ZDHHC21: variants seen among roughly 807,000 people sequenced by gnomAD.
ZDHHC21 encodes palmitoyltransferase ZDHHC21.
ZDHHC21 carries 15 observed loss-of-function variants against 34.6 expected under a neutral mutation model. The observed-to-expected ratio is 0.43, with a 90% CI of 0.29 to 0.67. The LOEUF (loss-of-function observed/expected upper bound fraction) is 0.67. Ranked by LOEUF, ZDHHC21 falls within the 30% of genes least tolerant of loss-of-function variation. The pLI, the probability that ZDHHC21 is intolerant of heterozygous loss-of-function variation, is 0.14. For missense variants in ZDHHC21, 344 were observed against 327.7 expected (o/e 1.05, Z -0.38); for synonymous variants, 142 against 101.8 (o/e 1.40, Z -2.38).
At chr9:14,598,609 A>T in the ZDHHC21 span, among the ~76,000 whole-genome samples, 1 of 152,206 alleles carries the variant, frequency 6.6e-6, no homozygotes, top group Non-Finnish European at 1.5e-5. Flanking sequence ...TCCAACAAGA[A>T]AAAAATATCT....
At chr9:14,652,891 G>A (rs537137409) in intron 7 of ZDHHC21, among the ~76,000 whole-genome samples, 3 of 151,882 alleles carry the variant, frequency 2.0e-5, no homozygotes, top group African/African-American at 4.8e-5. Flanking sequence ...TCTGACCCAG[G>A]CAATTCCATT....
At chr9:14,653,426 T>C (rs1436040862) in intron 7 of ZDHHC21, among the ~76,000 whole-genome samples, 2 of 152,058 alleles carry the variant, frequency 1.3e-5, no homozygotes, top group Non-Finnish European at 2.9e-5. Context: ...GTAAATGTAA[T>C]TTACAAAAGA....
intron 7 of ZDHHC21, among the ~76,000 whole-genome samples, chr9:14,642,268 A>C (rs1829501508): frequency 6.6e-6 from 1 of 152,208 alleles, no homozygotes; most frequent in South Asian, 2.1e-4. Flanking sequence ...AATTAACATC[A>C]TCAGCACTAA....
At chr9:14,682,895 G>A (rs1001240360) in intron 2 of ZDHHC21, among the ~76,000 whole-genome samples, 2 of 152,048 alleles carry the variant, frequency 1.3e-5, no homozygotes, top group South Asian at 2.1e-4. Context: ...ACTCAAAACC[G>A]AACAACTACA....
intron 6 of ZDHHC21, among the ~76,000 whole-genome samples, chr9:14,661,215 T>A (rs10481506): frequency 0.95 from 144,099 of 152,246 alleles, 68,225 homozygotes; most frequent in Non-Finnish European, 0.96. Context: ...ATTATCTTCT[T>A]TTTAAACAGT....
At chr9:14,597,034 C>A in the ZDHHC21 span, among the ~76,000 whole-genome samples, 1 of 152,162 alleles carries the variant, frequency 6.6e-6, no homozygotes, top group African/African-American at 2.4e-5. Flanking sequence ...CCATTGTGAA[C>A]TCCTGCAATC....
intron 7 of ZDHHC21, among the ~76,000 whole-genome samples, chr9:14,658,245 A>C (rs1564318306): frequency 6.6e-6 from 1 of 152,156 alleles, no homozygotes; most frequent in Non-Finnish European, 1.5e-5. Context: ...GCTCAACACT[A>C]ATAAATAACC....
chr9:14,594,743 GAA>G, the ZDHHC21 span, among the ~76,000 whole-genome samples: 1 of 152,062 alleles, frequency 6.6e-6, no homozygotes, highest in Non-Finnish European at 1.5e-5. Flanking sequence ...TTAAGAAAAT[GAA>G]AAGACAAACC....
intron 2 of ZDHHC21, among the ~76,000 whole-genome samples, chr9:14,686,980 C>CA (rs35113029): frequency 0.66 from 94,219 of 142,616 alleles, 31,696 homozygotes; most frequent in Middle Eastern, 0.77. Context: ...CTCAAAAAAA[C>CA]AAAAAAAAAA....
chr9:14,693,218 T>C lies in ZDHHC21; in HGVS notation c.-225+11A>G. 1 of 392,540 alleles carries C rather than the reference T, an allele frequency of 2.5e-6. No homozygotes were observed. The highest frequency in any genetic ancestry group is 5.0e-6 in the Non-Finnish European group (1 of 200,682). 24.3% of individuals were successfully genotyped at this position (392,540 alleles called of 1,614,324 possible). A position where few individuals can be genotyped will look rare whatever the true frequency, so the allele number is the denominator to read the frequency against. ...GGGGCGGCCGCTTCGCCCCCGCGCC[T>C]GCACACTCACCGTCGCCGCTGGCTC... On this transcript the variant is annotated intron_variant, in intron 1 of 9. Coordinates refer to ENST00000380916, the MANE Select transcript of ZDHHC21 (RefSeq NM_178566.6).
At chr9:14,626,719 G>A (rs1826292293) in intron 8 of ZDHHC21, among the ~76,000 whole-genome samples, 1 of 151,374 alleles carries the variant, frequency 6.6e-6, no homozygotes, top group Non-Finnish European at 1.5e-5. Flanking sequence ...TTGGCAAGGG[G>A]GAACCTAGTT....
At chr9:14,663,285 T>C (rs1306776041) in intron 5 of ZDHHC21, among the ~76,000 whole-genome samples, 1 of 152,112 alleles carries the variant, frequency 6.6e-6, no homozygotes, top group Non-Finnish European at 1.5e-5. Context: ...ATAACCTCAT[T>C]AAAAGTATGG....
intron 8 of ZDHHC21, among the ~76,000 whole-genome samples, chr9:14,628,283 A>G (rs976029504): frequency 1.3e-5 from 2 of 152,206 alleles, no homozygotes; most frequent in Non-Finnish European, 2.9e-5. Flanking sequence ...TGCTAGGTCT[A>G]AAATGACATC....
intron 8 of ZDHHC21, among the ~76,000 whole-genome samples, chr9:14,632,348 A>T (rs1827517703): frequency 6.6e-6 from 1 of 152,088 alleles, no homozygotes; most frequent in Non-Finnish European, 1.5e-5. Context: ...TCAATGGTGG[A>T]AAGAATTGTC....
intron 2 of ZDHHC21, among the ~76,000 whole-genome samples, chr9:14,680,368 TA>T (rs1455768682): frequency 2.0e-5 from 3 of 152,154 alleles, no homozygotes; most frequent in Non-Finnish European, 4.4e-5. Flanking sequence ...GAGAGTCTTT[TA>T]AAACCACCCA....
At chr9:14,660,498 AT>A (rs1587243626) in intron 6 of ZDHHC21, among the ~76,000 whole-genome samples, 2 of 152,194 alleles carry the variant, frequency 1.3e-5, no homozygotes, top group African/African-American at 4.8e-5. Context: ...TTCTGAAAAC[AT>A]CAAAAATTTT....
At chr9:14,670,632 T>C (rs563536162) in intron 5 of ZDHHC21, among the ~76,000 whole-genome samples, 49 of 152,238 alleles carry the variant, frequency 3.2e-4, no homozygotes, top group African/African-American at 1.0e-3. Context: ...GTCTGGACCA[T>C]AAATTGATTT....
rs189521774 is a variant in ZDHHC21, at chr9:14,647,562, C to T, written c.505-7550G>A. On this transcript the variant is annotated intron_variant, in intron 7 of 9. Transcript: ENST00000380916. ...ATCAATGCTAACAAATTCTCAACCC[C>T]GACGGGAGCTCCAATTCCTTGGCCC... 1.2e-4 allele frequency among the ~76,000 whole-genome samples: 19 copies of T among 152,192 alleles called. 1 individual carries two copies. Among genetic ancestry groups the T allele is most frequent in the East Asian group, 9.7e-4 (5 of 5,170 alleles).
chr9:14,594,986 A>G, the ZDHHC21 span, among the ~76,000 whole-genome samples: 4 of 152,196 alleles, frequency 2.6e-5, no homozygotes, highest in Non-Finnish European at 2.9e-5. Context: ...ATGCCACTAC[A>G]TATTAACTTG....
Sources: gnomAD v4.1 joint callset for allele counts (sites outside exome capture counted in the v4.1 genomes callset) on GRCh38, gnomAD v4.1.1 for gene constraint, MANE v1.5 for transcripts, NCBI Gene and HGNC (gene_info 2026-07-23, HGNC 2026-07-21) for gene names.